The following CCNI variants were observed in gnomAD, a reference collection of about 807,000 sequenced individuals.
The protein encoded by CCNI is cyclin I.
CCNI carries 14 observed loss-of-function variants against 34.1 expected under a neutral mutation model. That is an observed-to-expected ratio of 0.41 (90% CI 0.27 to 0.64). CCNI has a LOEUF of 0.64. Ranked by LOEUF, CCNI falls within the 30% of genes least tolerant of loss-of-function variation. The pLI is 0.31. For synonymous variants in CCNI, 154 were observed against 158.4 expected (o/e 0.97, Z 0.21); for missense variants, 385 against 440.5 (o/e 0.87, Z 1.13).
chr4:77,059,713 T>C (rs1227707861), intron 2 of CCNI, among the ~76,000 whole-genome samples: 1 of 152,132 alleles, frequency 6.6e-6, no homozygotes, highest in Non-Finnish European at 1.5e-5. Flanking sequence ...CACTAGAAGT[T>C]ATTCCTCATA....
At position 77,048,431 on chromosome 4, in the gene CCNI, GGT is replaced by G; in HGVS notation, c.920_921del (p.Tyr307SerfsTer15). The G allele has an allele frequency of 6.2e-7, 1 of 1,614,038 alleles. No individual in the cohort carries two copies. The highest frequency in any genetic ancestry group is 1.1e-5 in the South Asian group (1 of 91,084). ...EVPVRGTAAF[Y>X]HHLPAASGCK... ...CACCCACTGGCAGCTGGGAGATGAT[GGT>G]AAAAGGCTGCTGTACCTCTGACTGG... On this transcript the variant is annotated frameshift_variant, in exon 7 of 7. Coordinates refer to ENST00000237654, the MANE Select transcript of CCNI (RefSeq NM_006835.3). LOFTEE classifies it high-confidence loss of function.
At chr4:77,072,701 T>A in intron 1 of CCNI, among the ~76,000 whole-genome samples, 1 of 146,170 alleles carries the variant, frequency 6.8e-6, no homozygotes, top group Non-Finnish European at 1.5e-5. Context: ...CTCAACTAGA[T>A]CCTGTACTGG....
intron 2 of CCNI, among the ~76,000 whole-genome samples, chr4:77,061,659 TTTG>T (rs895183858): frequency 4.6e-5 from 7 of 151,914 alleles, no homozygotes; most frequent in Non-Finnish European, 7.4e-5. Context: ...CTACCTCTTC[TTTG>T]TTGTTGTTGT....
Position 77,048,016 on chromosome 4 carries a change from T to G in CCNI, c.*203A>C, listed in dbSNP as rs1727545987. On this transcript the variant is annotated 3_prime_UTR_variant, in exon 7 of 7. Coordinates refer to ENST00000237654, the MANE Select transcript of CCNI (RefSeq NM_006835.3). Reference sequence around the variant, plus strand: ...AGTTTGGATCTTTTGGATTTCTTTTTTTTTTTTTTGGTCTTTATGTGCTTA... The same window carrying G: ...AGTTTGGATCTTTTGGATTTCTTTTGTTTTTTTTTGGTCTTTATGTGCTTA... 1 of 395,950 alleles carries G rather than the reference T, an allele frequency of 2.5e-6. No homozygotes were observed. Among genetic ancestry groups the G allele is most frequent in the African/African-American group, 2.1e-5 (1 of 48,124 alleles). 24.5% of individuals were successfully genotyped at this position (395,950 alleles called of 1,614,324 possible). A position where few individuals can be genotyped will look rare whatever the true frequency, so the allele number is the denominator to read the frequency against.
intron 1 of CCNI, among the ~76,000 whole-genome samples, chr4:77,072,452 C>CAAAAAA (rs11327592): frequency 9.6e-5 from 6 of 62,242 alleles, no homozygotes; most frequent in African/African-American, 2.5e-4. Flanking sequence ...CTGTCTCCAC[C>CAAAAAA]AAAAAAAAAA....
At chr4:77,062,838 A>G (rs949215503) in intron 2 of CCNI, among the ~76,000 whole-genome samples, 1 of 152,226 alleles carries the variant, frequency 6.6e-6, no homozygotes, top group African/African-American at 2.4e-5. Context: ...TCATGTAACA[A>G]AATTATCATG....
At chr4:77,052,751 T>C (rs946322056) in intron 6 of CCNI, among the ~76,000 whole-genome samples, 6 of 152,170 alleles carry the variant, frequency 3.9e-5, no homozygotes, top group African/African-American at 1.2e-4. Context: ...TATTGTGGCC[T>C]TGTCACACGT....
chr4:77,048,005 G>T lies in CCNI; in HGVS notation c.*214C>A. Reference sequence around the variant, plus strand: ...AGTTTAAAAAAAGTTTGGATCTTTTGGATTTCTTTTTTTTTTTTTTGGTCT... The same window carrying T: ...AGTTTAAAAAAAGTTTGGATCTTTTTGATTTCTTTTTTTTTTTTTTGGTCT... On this transcript the variant is annotated 3_prime_UTR_variant, in exon 7 of 7. Coordinates refer to ENST00000237654, the MANE Select transcript of CCNI (RefSeq NM_006835.3). 2.4e-6 allele frequency: 1 copy of T among 418,362 alleles called. No individual in the cohort carries two copies. Among genetic ancestry groups the T allele is most frequent in the Non-Finnish European group, 4.2e-6 (1 of 237,102 alleles). The allele number at this position is 418,362 out of a possible 1,614,324, so 25.9% of individuals were successfully genotyped here. A position where few individuals can be genotyped will look rare whatever the true frequency, so the allele number is the denominator to read the frequency against.
At chr4:77,075,414 C>G (rs1195713231) in intron 1 of CCNI, 58 bp downstream of exon 1, 1 of 742,504 alleles carries the variant, frequency 1.3e-6, no homozygotes, top group African/African-American at 1.9e-5. Flanking sequence ...GGGGCCCCAG[C>G]GCGTCGACGC....
At chr4:77,058,008 G>C (rs1728351895) in intron 3 of CCNI, among the ~76,000 whole-genome samples, 1 of 152,146 alleles carries the variant, frequency 6.6e-6, no homozygotes, top group South Asian at 2.1e-4. Context: ...GTAACAAAAA[G>C]AAAATTACAG....
chr4:77,074,145 T>C (rs1729713525), intron 1 of CCNI, among the ~76,000 whole-genome samples: 2 of 152,308 alleles, frequency 1.3e-5, no homozygotes, highest in Middle Eastern at 3.4e-3. Context: ...CAGCTTCCAA[T>C]CTTGACCAAC....
At position 77,055,281 on chromosome 4, in the gene CCNI, G is replaced by A; in HGVS notation, c.559C>T (p.His187Tyr). Residue 187 changes from histidine (H) to tyrosine (Y), a missense_variant, in exon 6 of 7, where the codon CAC becomes TAC. Coordinates refer to ENST00000237654, the MANE Select transcript of CCNI (RefSeq NM_006835.3). ...HLAVLTKQLL[H>Y]CMACNQLLQF... is the part of the protein sequence containing the mutation. ...AGAAGTTGGTTGCAGGCCATACAGT[G>A]AAGTAGTTGCTTGGTAAGGACTGCC... 1 of 1,614,120 alleles carries A rather than the reference G, an allele frequency of 6.2e-7. No homozygotes were observed. Among genetic ancestry groups the A allele is most frequent in the Non-Finnish European group, 8.5e-7 (1 of 1,179,956 alleles).
chr4:77,072,711 G>A (rs1729581297), intron 1 of CCNI, among the ~76,000 whole-genome samples: 1 of 151,302 alleles, frequency 6.6e-6, no homozygotes, highest in South Asian at 2.1e-4. Context: ...TCCTGTACTG[G>A]AAGGAGACAA....
At chr4:77,063,344 T>TA (rs745761323) in intron 2 of CCNI, among the ~76,000 whole-genome samples, 3,411 of 77,208 alleles carry the variant, frequency 0.044, 118 homozygotes, top group Non-Finnish European at 0.064. Flanking sequence ...GAAAGGGAGG[T>TA]AAAAAAAAAA....
At chr4:77,072,079 TTTC>T (rs1328199305) in intron 1 of CCNI, among the ~76,000 whole-genome samples, 1 of 152,134 alleles carries the variant, frequency 6.6e-6, no homozygotes, top group African/African-American at 2.4e-5. Flanking sequence ...CAGATTAGTA[TTTC>T]TTCTGAATAT....
chr4:77,053,911 T>A (rs1578234987), intron 6 of CCNI, among the ~76,000 whole-genome samples: 2 of 152,294 alleles, frequency 1.3e-5, no homozygotes, highest in Admixed American at 1.3e-4. Flanking sequence ...TTATTCTCAT[T>A]ACAGCATTTA....
intron 1 of CCNI, among the ~76,000 whole-genome samples, chr4:77,066,839 A>G (rs921696903): frequency 6.6e-6 from 1 of 152,250 alleles, no homozygotes; most frequent in South Asian, 2.1e-4. Flanking sequence ...CCACTTCTTC[A>G]GTATGAAACC....
In CCNI at chr4:77,075,585, G is replaced by C; in HGVS notation, c.-157C>G. The C allele has an allele frequency of 1.7e-5, 17 of 988,138 alleles. No homozygotes were observed. The highest frequency in any genetic ancestry group is 1.9e-5 in the Non-Finnish European group (16 of 830,368). The allele number at this position is 988,138 out of a possible 1,614,324, so 61.2% of individuals were successfully genotyped here. On this transcript the variant is annotated 5_prime_UTR_variant, in exon 1 of 7. Transcript: ENST00000237654. Reference sequence around the variant, plus strand: ...ACCTCATTCTCATAGGCGCGCGGAGGCGGTGCGCGCGGGACGACTCGGCCA... The same window carrying C: ...ACCTCATTCTCATAGGCGCGCGGAGCCGGTGCGCGCGGGACGACTCGGCCA...
At chr4:77,074,165 A>G (rs1729717505) in intron 1 of CCNI, among the ~76,000 whole-genome samples, 1 of 152,188 alleles carries the variant, frequency 6.6e-6, no homozygotes, top group African/African-American at 2.4e-5. Flanking sequence ...CACACATGCT[A>G]AGCTCCATTC....
Sources: allele counts gnomAD v4.1 joint callset (sites outside exome capture counted in the v4.1 genomes callset), GRCh38; gene constraint gnomAD v4.1.1; transcripts MANE v1.5; gene names NCBI Gene and HGNC (gene_info 2026-07-23, HGNC 2026-07-21).